TBC1D12: variants seen among roughly 807,000 people sequenced by gnomAD.
TBC1D12 encodes the protein TBC1 domain family, member 12.
In TBC1D12, 56 loss-of-function variants were observed where a neutral mutation model predicts 86.7. The ratio of observed to expected loss-of-function variants is 0.65; its 90% CI spans 0.52 to 0.81. TBC1D12 has a LOEUF of 0.81. TBC1D12 is among the 30% of genes least tolerant of loss of function. The pLI is 0.00. For synonymous variants in TBC1D12, 421 were observed against 411.7 expected, an observed-to-expected ratio of 1.02 and a Z score of -0.27; for missense variants, 1,023 against 1,038.8, an observed-to-expected ratio of 0.98 and a Z score of 0.21.
intron 1 of TBC1D12, among the ~76,000 whole-genome samples, chr10:94,406,312 G>A (rs2054853505): frequency 6.6e-6 from 1 of 152,164 alleles, no homozygotes; most frequent in Admixed American, 6.5e-5. Flanking sequence ...CACTGGATTT[G>A]AAGTCAGAAA....
At chr10:94,472,626 T>C (rs1236519649) in intron 2 of TBC1D12, among the ~76,000 whole-genome samples, 1 of 152,214 alleles carries the variant, frequency 6.6e-6, no homozygotes, top group Admixed American at 6.5e-5. Flanking sequence ...TTTTCTATAA[T>C]TTTTAGTAAG....
At chr10:94,429,857 C>A (rs898934633) in intron 1 of TBC1D12, among the ~76,000 whole-genome samples, 1 of 152,060 alleles carries the variant, frequency 6.6e-6, no homozygotes, top group Non-Finnish European at 1.5e-5. Flanking sequence ...CTTCAGCCTG[C>A]CAAGTAGCTG....
At chr10:94,499,621 G>T (rs145440040) in intron 5 of TBC1D12, among the ~76,000 whole-genome samples, 1 of 152,216 alleles carries the variant, frequency 6.6e-6, no homozygotes, top group Non-Finnish European at 1.5e-5. Flanking sequence ...TATTGGCACA[G>T]TGTGACATAT....
In TBC1D12 at chr10:94,403,247, C is replaced by T. The variant is rs1010964624; in HGVS notation, c.634C>T (p.Pro212Ser). The T allele has an allele frequency of 4.0e-6, 6 of 1,506,590 alleles. No homozygotes were observed. Among genetic ancestry groups the T allele is most frequent in the Non-Finnish European group, 5.3e-6 (6 of 1,129,396 alleles). 93.3% of individuals were successfully genotyped at this position (1,506,590 alleles called of 1,614,324 possible). The change falls in exon 1 of 13, where the codon CCC becomes TCC. Residue 212 changes from proline to serine, a missense_variant. Physicochemically the swap from Pro to Ser is moderately conservative, Grantham distance 74. Coordinates refer to ENST00000225235, the MANE Select transcript of TBC1D12 (RefSeq NM_015188.2). The part of the protein sequence containing the change: ...CCLVAADAQE[P>S]EGAGSDSGDS... The stretch of plus-strand genomic sequence containing the variant: ...CCTGGTGGCCGCGGACGCCCAGGAG[C>T]CCGAGGGCGCGGGCAGCGACTCGGG...
At chr10:94,434,429 C>G (rs2055266111) in intron 1 of TBC1D12, among the ~76,000 whole-genome samples, 1 of 151,442 alleles carries the variant, frequency 6.6e-6, no homozygotes, top group Admixed American at 6.6e-5. Flanking sequence ...TTGCTTGAAC[C>G]CGGGAGATGG....
At chr10:94,509,132 G>A (rs955610577) in intron 7 of TBC1D12, 1 of 115,932 alleles carries the variant, frequency 8.6e-6, no homozygotes, top group Non-Finnish European at 1.7e-5. Flanking sequence ...TTTTTGAGAT[G>A]CTCACCCTGT....
chr10:94,490,368 G>A (rs1026405159), intron 3 of TBC1D12, among the ~76,000 whole-genome samples: 1 of 152,170 alleles, frequency 6.6e-6, no homozygotes, highest in African/African-American at 2.4e-5. Context: ...CATTAGGGTT[G>A]CTACAAACCT....
intron 1 of TBC1D12, among the ~76,000 whole-genome samples, chr10:94,424,970 C>T (rs1387600661): frequency 6.6e-6 from 1 of 152,122 alleles, no homozygotes; most frequent in African/African-American, 2.4e-5. Flanking sequence ...ACAGGAGGTC[C>T]ACCTTGAGGA....
At chr10:94,467,659 T>G (rs2055844846) in intron 2 of TBC1D12, among the ~76,000 whole-genome samples, 1 of 152,038 alleles carries the variant, frequency 6.6e-6, no homozygotes, top group Non-Finnish European at 1.5e-5. Flanking sequence ...CCCCCTCTTT[T>G]TTTTAAACCT....
chr10:94,485,180 A>G (rs764166076), intron 3 of TBC1D12, among the ~76,000 whole-genome samples: 1 of 152,164 alleles, frequency 6.6e-6, no homozygotes, highest in Non-Finnish European at 1.5e-5. Flanking sequence ...TTCAGATTTT[A>G]GAAGAAACGC....
intron 1 of TBC1D12, among the ~76,000 whole-genome samples, chr10:94,419,016 A>G (rs1025160951): frequency 1.3e-5 from 2 of 152,002 alleles, no homozygotes; most frequent in Admixed American, 6.6e-5. Context: ...CTGGGACTAC[A>G]GGTGCACGCC....
Position 94,418,354 on chromosome 10 carries a change from AT to A in TBC1D12, c.971+14771del, listed in dbSNP as rs2055027684. On this transcript the variant is annotated intron_variant, in intron 1 of 12. Coordinates refer to ENST00000225235, the MANE Select transcript of TBC1D12 (RefSeq NM_015188.2). ...TGGCAGCTGCGCAGCTTTTAAGAAA[AT>A]CCAGATTACAGCATCTGTAACTGAA... Among the ~76,000 whole-genome samples the A allele has an allele frequency of 2.0e-5, 3 of 152,242 alleles. 1 individual carries two copies. The South Asian group carries it at 6.2e-4, about 32-fold the overall frequency.
At chr10:94,489,751 A>G (rs1044907313) in intron 3 of TBC1D12, among the ~76,000 whole-genome samples, 1 of 152,196 alleles carries the variant, frequency 6.6e-6, no homozygotes, top group Non-Finnish European at 1.5e-5. Context: ...ATCCCAAGAA[A>G]TAGGGATGCC....
intron 11 of TBC1D12, among the ~76,000 whole-genome samples, chr10:94,525,654 C>T (rs761538448): frequency 1.2e-4 from 15 of 122,028 alleles, no homozygotes; most frequent in African/African-American, 1.7e-4. Context: ...AGCAAGACTC[C>T]GTCTCAAAAA....
At chr10:94,476,588 A>G (rs1407933254) in intron 3 of TBC1D12, among the ~76,000 whole-genome samples, 1 of 152,218 alleles carries the variant, frequency 6.6e-6, no homozygotes, top group African/African-American at 2.4e-5. Flanking sequence ...TAGACTTTGC[A>G]GCTGTCAGCT....
intron 1 of TBC1D12, among the ~76,000 whole-genome samples, chr10:94,440,912 C>T (rs191035418): frequency 4.6e-5 from 7 of 152,160 alleles, no homozygotes; most frequent in East Asian, 1.9e-4. Context: ...TGCAATGAGG[C>T]GGTCTCGGCT....
chr10:94,504,125 C>T (rs1385967725), intron 6 of TBC1D12, among the ~76,000 whole-genome samples: 1 of 152,054 alleles, frequency 6.6e-6, no homozygotes, highest in African/African-American at 2.4e-5. Flanking sequence ...GTTAGATTTT[C>T]TAAATAATAA....
chr10:94,433,200 G>A (rs186822659), intron 1 of TBC1D12, among the ~76,000 whole-genome samples: 12 of 152,020 alleles, frequency 7.9e-5, no homozygotes, highest in East Asian at 7.8e-4. Flanking sequence ...ACTTCGTCTC[G>A]GAAACCCTCC....
At chr10:94,481,233 T>C (rs765406418) in intron 3 of TBC1D12, among the ~76,000 whole-genome samples, 2 of 152,182 alleles carry the variant, frequency 1.3e-5, no homozygotes, top group African/African-American at 2.4e-5. Context: ...TTAAAGTCAC[T>C]AGTTACATTG....
Sources: allele counts gnomAD v4.1 joint callset (sites outside exome capture counted in the v4.1 genomes callset), GRCh38; gene constraint gnomAD v4.1.1; transcripts MANE v1.5; gene names NCBI Gene and HGNC (gene_info 2026-07-23, HGNC 2026-07-21).